GPC5: variants seen among roughly 807,000 people sequenced by gnomAD.
The protein encoded by GPC5 is glypican 5.
A neutral mutation model predicts 53.9 loss-of-function variants in GPC5; 47 were observed. The observed-to-expected ratio is 0.87, with a 90% CI of 0.69 to 1.11. The LOEUF (loss-of-function observed/expected upper bound fraction) is 1.11. Ranked by LOEUF, GPC5 falls within the 50% of genes most tolerant of loss-of-function variation. The pLI is 0.00. For synonymous variants in GPC5, 286 were observed against 263.3 expected, an observed-to-expected ratio of 1.09 and a Z score of -0.84; for missense variants, 748 against 713.1, an observed-to-expected ratio of 1.05 and a Z score of -0.56.
intron 2 of GPC5, among the ~76,000 whole-genome samples, chr13:91,639,277 G>A (rs2034361259): frequency 6.6e-6 from 1 of 152,184 alleles, no homozygotes; most frequent in Non-Finnish European, 1.5e-5. Context: ...AAATAGCAGT[G>A]TGAAGCTTTG....
At chr13:92,090,236 A>G (rs938705307) in intron 6 of GPC5, among the ~76,000 whole-genome samples, 1 of 152,192 alleles carries the variant, frequency 6.6e-6, no homozygotes, top group Non-Finnish European at 1.5e-5. Context: ...GGCATAAAAT[A>G]TATTGCCATT....
At chr13:91,932,878 G>A (rs929493540) in intron 6 of GPC5, among the ~76,000 whole-genome samples, 5 of 151,898 alleles carry the variant, frequency 3.3e-5, no homozygotes, top group Non-Finnish European at 5.9e-5. Flanking sequence ...CACCAAAATA[G>A]TAATTCTTAA....
intron 6 of GPC5, among the ~76,000 whole-genome samples, chr13:91,914,103 AG>A (rs1411066336): frequency 1.3e-5 from 2 of 152,194 alleles, no homozygotes; most frequent in Non-Finnish European, 1.5e-5. Flanking sequence ...TCAGCAAAAA[AG>A]TCACAGTTCT....
chr13:91,796,226 A>T (rs2038044144), intron 5 of GPC5, among the ~76,000 whole-genome samples: 1 of 152,202 alleles, frequency 6.6e-6, no homozygotes, highest in Non-Finnish European at 1.5e-5. Context: ...GGATGAATCC[A>T]GGCACTTAGC....
chr13:91,641,692 C>G (rs1033654124), intron 2 of GPC5, among the ~76,000 whole-genome samples: 1 of 152,342 alleles, frequency 6.6e-6, no homozygotes, highest in South Asian at 2.1e-4. Context: ...AACATCAACA[C>G]TATTCACCCA....
At chr13:92,495,771 A>T (rs1211639756) in intron 7 of GPC5, among the ~76,000 whole-genome samples, 1 of 152,024 alleles carries the variant, frequency 6.6e-6, no homozygotes, top group Non-Finnish European at 1.5e-5. Context: ...TATAACACTT[A>T]AAAGTGTCTT....
intron 7 of GPC5, among the ~76,000 whole-genome samples, chr13:92,373,735 C>G (rs958656074): frequency 5.3e-5 from 8 of 152,174 alleles, no homozygotes; most frequent in Non-Finnish European, 7.4e-5. Context: ...ATCACAACAT[C>G]CATTCAAATG....
chr13:92,116,300 G>A (rs763734963), intron 6 of GPC5, among the ~76,000 whole-genome samples: 7 of 151,910 alleles, frequency 4.6e-5, no homozygotes, highest in Non-Finnish European at 1.0e-4. Flanking sequence ...AGGCACTTAT[G>A]GGGGGGATTG....
At position 91,867,447 on chromosome 13, in the gene GPC5, A is replaced by C. The variant is rs368387773; in HGVS notation, c.1281-40490A>C. ...TCTGCTCAGTGTTTTCCTCTGTGTCACTTACTAAAACATAGAAAAGAAATC... is the reference window on the plus strand; with the variant it reads ...TCTGCTCAGTGTTTTCCTCTGTGTCCCTTACTAAAACATAGAAAAGAAATC... On this transcript the variant is annotated intron_variant, in intron 5 of 7. Transcript: ENST00000377067. Among the ~76,000 whole-genome samples, 5 of 152,330 alleles carry C rather than the reference A, an allele frequency of 3.3e-5. No individual in the cohort carries two copies. In the East Asian group the frequency reaches 9.7e-4, roughly 29 times the overall value.
chr13:92,609,287 G>A (rs768221277), intron 7 of GPC5, among the ~76,000 whole-genome samples: 4 of 152,110 alleles, frequency 2.6e-5, no homozygotes, highest in Non-Finnish European at 5.9e-5. Flanking sequence ...AAAAAGAAGA[G>A]AGGGTGAATG....
At chr13:91,668,221 T>A (rs1280415258) in intron 2 of GPC5, among the ~76,000 whole-genome samples, 1 of 152,238 alleles carries the variant, frequency 6.6e-6, no homozygotes, top group East Asian at 1.9e-4. Flanking sequence ...TGGTGTTGTT[T>A]GAGCACTGCG....
chr13:91,633,775 A>G (rs1252268645), intron 2 of GPC5, among the ~76,000 whole-genome samples: 1 of 152,126 alleles, frequency 6.6e-6, no homozygotes, highest in Non-Finnish European at 1.5e-5. Context: ...ACATGTAACC[A>G]TGAGGAATGA....
intron 1 of GPC5, among the ~76,000 whole-genome samples, chr13:91,412,520 C>A (rs190236110): frequency 6.6e-6 from 1 of 152,022 alleles, no homozygotes; most frequent in Non-Finnish European, 1.5e-5. Context: ...CATAAATGAA[C>A]CCTCATAAAT....
At chr13:91,919,192 C>A (rs777647918) in intron 6 of GPC5, among the ~76,000 whole-genome samples, 6 of 152,076 alleles carry the variant, frequency 3.9e-5, no homozygotes, top group Non-Finnish European at 7.4e-5. Flanking sequence ...TTATCCTGTC[C>A]ACTTCCTTTT....
At chr13:92,816,986 T>C (rs905124542) in intron 7 of GPC5, among the ~76,000 whole-genome samples, 1 of 151,924 alleles carries the variant, frequency 6.6e-6, no homozygotes, top group African/African-American at 2.4e-5. Flanking sequence ...AGTTGCCCAC[T>C]CCCGGTCTAG....
At chr13:92,126,410 T>A (rs2041697675) in intron 6 of GPC5, among the ~76,000 whole-genome samples, 1 of 152,206 alleles carries the variant, frequency 6.6e-6, no homozygotes, top group South Asian at 2.1e-4. Flanking sequence ...GTCTTGCACA[T>A]AGGACAAATT....
intron 6 of GPC5, among the ~76,000 whole-genome samples, chr13:92,106,577 T>C (rs2041512116): frequency 6.6e-6 from 1 of 152,012 alleles, no homozygotes; most frequent in African/African-American, 2.4e-5. Context: ...CCTTATAGGC[T>C]GAGGAAAACA....
At chr13:91,783,327 T>A (rs1234932594) in intron 5 of GPC5, among the ~76,000 whole-genome samples, 1 of 152,116 alleles carries the variant, frequency 6.6e-6, no homozygotes, top group Non-Finnish European at 1.5e-5. Context: ...TTATATGCAA[T>A]TGGTGAAGTA....
chr13:92,426,903 A>G (rs1876860921), intron 7 of GPC5, among the ~76,000 whole-genome samples: 1 of 152,014 alleles, frequency 6.6e-6, no homozygotes, highest in Non-Finnish European at 1.5e-5. Context: ...TGAAAACAAG[A>G]AGAAAAAGAG....
Sources: allele counts gnomAD v4.1 joint callset (sites outside exome capture counted in the v4.1 genomes callset), GRCh38; gene constraint gnomAD v4.1.1; transcripts MANE v1.5; gene names NCBI Gene and HGNC (gene_info 2026-07-23, HGNC 2026-07-21).